Variants in HHAT observed in about 807,000 individuals in gnomAD.
The protein encoded by HHAT is hedgehog acyltransferase.
A neutral mutation model predicts 70.8 loss-of-function variants in HHAT; 47 were observed. That is an observed-to-expected ratio of 0.66 (90% CI 0.53 to 0.85). The LOEUF is 0.85. Ranked by LOEUF, HHAT falls within the 40% of genes least tolerant of loss-of-function variation. The pLI is 0.00. For synonymous variants in HHAT, 228 were observed against 247.6 expected, an observed-to-expected ratio of 0.92 and a Z score of 0.74; for missense variants, 609 against 604.8, an observed-to-expected ratio of 1.01 and a Z score of -0.07.
At chr1:210,576,971 T>C (rs1019416848) in intron 9 of HHAT, among the ~76,000 whole-genome samples, 4 of 152,166 alleles carry the variant, frequency 2.6e-5, no homozygotes, top group Non-Finnish European at 4.4e-5. Context: ...AAAAATGATA[T>C]TTTTTCTTAA....
intron 7 of HHAT, among the ~76,000 whole-genome samples, chr1:210,450,792 G>GT (rs1251500329): frequency 5.9e-5 from 9 of 152,074 alleles, no homozygotes; most frequent in South Asian, 2.1e-4. Context: ...TGGCAGTAAC[G>GT]TTTTTTCTCT....
At chr1:210,603,303 T>A (rs1664694884) in intron 10 of HHAT, among the ~76,000 whole-genome samples, 1 of 152,144 alleles carries the variant, frequency 6.6e-6, no homozygotes, top group Non-Finnish European at 1.5e-5. Flanking sequence ...GAAACTGGCT[T>A]TTCTCGGTGG....
intron 9 of HHAT, among the ~76,000 whole-genome samples, chr1:210,519,971 C>T (rs1002185098): frequency 6.6e-6 from 1 of 151,858 alleles, no homozygotes. Context: ...GTATATCTTC[C>T]TTTGAGAAAT....
intron 9 of HHAT, among the ~76,000 whole-genome samples, chr1:210,532,913 A>G (rs916623185): frequency 4.6e-5 from 7 of 152,242 alleles, no homozygotes; most frequent in African/African-American, 1.4e-4. Flanking sequence ...CTTAAGGACA[A>G]TATTTATAAT....
At chr1:210,356,629 T>G (rs1421056792) in intron 2 of HHAT, among the ~76,000 whole-genome samples, 1 of 152,248 alleles carries the variant, frequency 6.6e-6, no homozygotes, top group East Asian at 1.9e-4. Flanking sequence ...CCTGTGGCCT[T>G]CATTATTACT....
At chr1:210,539,828 C>T (rs2095410614) in intron 9 of HHAT, among the ~76,000 whole-genome samples, 1 of 152,096 alleles carries the variant, frequency 6.6e-6, no homozygotes, top group Admixed American at 6.5e-5. Flanking sequence ...TGTCCTGTGT[C>T]CTTCCAGTAA....
chr1:210,611,215 G>C (rs1023791472), intron 10 of HHAT, among the ~76,000 whole-genome samples: 1 of 152,060 alleles, frequency 6.6e-6, no homozygotes, highest in African/African-American at 2.4e-5. Context: ...TCCTTGAAGA[G>C]GTCCTTCACT....
At chr1:210,388,456 CTCTT>C (rs777294049) in intron 4 of HHAT, among the ~76,000 whole-genome samples, 2 of 152,136 alleles carry the variant, frequency 1.3e-5, no homozygotes, top group Non-Finnish European at 2.9e-5. Context: ...CAGTTTCTGA[CTCTT>C]TCCTGAAAAT....
intron 6 of HHAT, among the ~76,000 whole-genome samples, chr1:210,412,272 C>T (rs1445732565): frequency 6.6e-6 from 1 of 152,046 alleles, no homozygotes; most frequent in Non-Finnish European, 1.5e-5. Context: ...TTGCCCCTGC[C>T]CCCTGAAAAT....
intron 7 of HHAT, among the ~76,000 whole-genome samples, chr1:210,447,261 G>A (rs951225910): frequency 9.9e-5 from 15 of 152,162 alleles, no homozygotes; most frequent in Non-Finnish European, 2.9e-5. Flanking sequence ...GACAGTAGAT[G>A]TGCAAGCTGT....
Position 210,499,478 on chromosome 1 carries a change from A to C in HHAT, c.1008-13675A>C, listed in dbSNP as rs184820111. On this transcript the variant is annotated intron_variant, in intron 8 of 11. Coordinates refer to ENST00000261458, the MANE Select transcript of HHAT (RefSeq NM_018194.6). ...ATGGTGAAACCCCATCTCTACTAAAAATACAAAAAAATTAGCTGGGCATGG... is the reference window on the plus strand; with the variant it reads ...ATGGTGAAACCCCATCTCTACTAAACATACAAAAAAATTAGCTGGGCATGG... Among the ~76,000 whole-genome samples, 115 of 152,200 alleles carry C rather than the reference A, an allele frequency of 7.6e-4. 1 individual carries two copies. Among genetic ancestry groups the C allele is most frequent in the African/African-American group, 2.5e-3 (104 of 41,538 alleles).
intron 9 of HHAT, among the ~76,000 whole-genome samples, chr1:210,585,911 C>T (rs752821439): frequency 1.3e-5 from 2 of 152,046 alleles, no homozygotes; most frequent in Non-Finnish European, 2.9e-5. Flanking sequence ...AAGAATTTGG[C>T]CAGATGATGG....
At chr1:210,421,944 T>C (rs1418693931) in intron 7 of HHAT, among the ~76,000 whole-genome samples, 1 of 152,210 alleles carries the variant, frequency 6.6e-6, no homozygotes, top group Non-Finnish European at 1.5e-5. Flanking sequence ...AAAGGGTTTA[T>C]TTTAATGTAG....
chr1:210,523,171 T>G (rs1232228522), intron 9 of HHAT, among the ~76,000 whole-genome samples: 1 of 152,102 alleles, frequency 6.6e-6, no homozygotes, highest in East Asian at 1.9e-4. Context: ...TACAACCCCG[T>G]GTCCTGGGCC....
chr1:210,491,243 C>T (rs1405809596), intron 8 of HHAT, among the ~76,000 whole-genome samples: 1 of 152,116 alleles, frequency 6.6e-6, no homozygotes, highest in African/African-American at 2.4e-5. Flanking sequence ...CGGAACTGGC[C>T]TCCCACCTCA....
At chr1:210,567,582 A>T (rs997882506) in intron 9 of HHAT, among the ~76,000 whole-genome samples, 7 of 152,212 alleles carry the variant, frequency 4.6e-5, no homozygotes, top group African/African-American at 1.7e-4. Context: ...ACTATTGTTT[A>T]TATACTGTCA....
chr1:210,461,048 C>T (rs543112543), intron 7 of HHAT, among the ~76,000 whole-genome samples: 25 of 151,930 alleles, frequency 1.6e-4, no homozygotes, highest in Non-Finnish European at 3.2e-4. Context: ...ACATACAAAC[C>T]CAGAAATATT....
At chr1:210,342,561 T>C (rs745864048) in intron 1 of HHAT, among the ~76,000 whole-genome samples, 1 of 152,234 alleles carries the variant, frequency 6.6e-6, no homozygotes, top group Non-Finnish European at 1.5e-5. Flanking sequence ...CCGTTTTCTA[T>C]AGAAATGATG....
At chr1:210,427,962 A>G (rs1465831231) in intron 7 of HHAT, among the ~76,000 whole-genome samples, 1 of 151,940 alleles carries the variant, frequency 6.6e-6, no homozygotes, top group Non-Finnish European at 1.5e-5. Context: ...TTGTTTTATG[A>G]ATCTGGGTGC....
Sources: allele counts gnomAD v4.1 joint callset (sites outside exome capture counted in the v4.1 genomes callset), GRCh38; gene constraint gnomAD v4.1.1; transcripts MANE v1.5; gene names NCBI Gene and HGNC (gene_info 2026-07-23, HGNC 2026-07-21).